Variants in BTBD2 observed in about 807,000 individuals in gnomAD.
The protein encoded by BTBD2 is BTB/POZ domain-containing protein 2.
In BTBD2, 15 loss-of-function variants were observed where a neutral mutation model predicts 44.0. That is an observed-to-expected ratio of 0.34 (90% CI 0.23 to 0.53). The LOEUF is 0.53. BTBD2 is among the 20% of genes least tolerant of loss of function. The pLI, the probability that BTBD2 is intolerant of heterozygous loss-of-function variation, is 0.95. For missense variants in BTBD2, 657 were observed against 746.4 expected (o/e 0.88, Z 1.39); for synonymous variants, 443 against 335.9 (o/e 1.32, Z -3.49).
chr19:1,990,801 G>A lies in BTBD2; in HGVS notation c.706C>T (p.Gln236Ter). Reference protein sequence around the residue: ...LTQARLFDEPQLASLCLENID... With the variant: ...LTQARLFDEP ...TTCTCCAGGCACAGGCTGGCCAGCT[G>A]CGGTTCATCGAAGAGTCGCGCCTGG... is the stretch of plus-strand genomic sequence containing the variant. Residue 236 changes from glutamine (Q) to a stop codon, truncating the protein, a stop_gained, in exon 4 of 9, where the codon CAG becomes TAG. Transcript: ENST00000255608. LOFTEE classifies it high-confidence loss of function. 1 of 1,582,732 alleles carries A rather than the reference G, an allele frequency of 6.3e-7. No homozygotes were observed. Among genetic ancestry groups the A allele is most frequent in the Non-Finnish European group, 8.6e-7 (1 of 1,166,410 alleles).
intron 1 of BTBD2, among the ~76,000 whole-genome samples, chr19:2,002,240 C>T (rs1480962334): frequency 6.6e-6 from 1 of 152,138 alleles, no homozygotes; most frequent in Non-Finnish European, 1.5e-5. Context: ...GCCACAATGC[C>T]CAGCTAACTG....
intron 1 of BTBD2, 114 bp from the exon 2 acceptor site, chr19:1,997,577 GC>G: frequency 1.3e-6 from 2 of 1,483,798 alleles, no homozygotes; most frequent in Non-Finnish European, 1.8e-6. Context: ...CCAGCCTCCA[GC>G]AGGCATGTAC....
Position 1,987,024 on chromosome 19 carries a change from G to A in BTBD2, c.1270-48C>T, listed in dbSNP as rs370739634. 148 of 1,598,458 alleles carry A rather than the reference G, an allele frequency of 9.3e-5. 1 individual carries two copies. Among genetic ancestry groups the A allele is most frequent in the South Asian group, 7.7e-4 (69 of 89,604 alleles). The stretch of plus-strand genomic sequence containing the variant: ...AGGCTCAGGCCTGGGGAGGGCCAAC[G>A]GGGACCCCTCGAGGCCCAGCCCACC... On this transcript the variant is annotated intron_variant, in intron 7 of 8. Transcript: ENST00000255608.
intron 6 of BTBD2, 85 bp from the exon 7 acceptor site, chr19:1,987,338 C>A (rs1372760277): frequency 1.4e-6 from 2 of 1,473,230 alleles, no homozygotes; most frequent in South Asian, 1.2e-5. Context: ...CATGCCCGGT[C>A]CCCTCCATCG....
At chr19:1,988,606 C>T (rs1218275012) in intron 5 of BTBD2, 2 of 151,096 alleles carry the variant, frequency 1.3e-5, no homozygotes, top group Non-Finnish European at 1.5e-5. Context: ...GCTCTTGTCC[C>T]CCAGGCTAGA....
At chr19:2,014,037 GAGC>G (rs1247170373) in intron 1 of BTBD2, 1 of 151,922 alleles carries the variant, frequency 6.6e-6, no homozygotes, top group Non-Finnish European at 1.5e-5. Flanking sequence ...TCTCAGGTGA[GAGC>G]GGAGAAGTCT....
intron 3 of BTBD2, 66 bp downstream of exon 3, chr19:1,992,935 CCGCCTCCAGCCTCGGTCCG>C: frequency 1.7e-5 from 12 of 708,138 alleles, no homozygotes; most frequent in South Asian, 3.0e-5. Context: ...GGCCCCGCCT[CCGCCTCCAGCCTCGGTCCG>C]CCCCACCCCG....
At chr19:1,996,164 C>G (rs749787931) in intron 2 of BTBD2, among the ~76,000 whole-genome samples, 1 of 152,196 alleles carries the variant, frequency 6.6e-6, no homozygotes, top group Non-Finnish European at 1.5e-5. Context: ...TTGGTCCCCA[C>G]GTTCTGTCCT....
rs371473216 is a variant in BTBD2, at chr19:1,986,232, C to G, written c.*256G>C. 1.9e-6 allele frequency: 1 copy of G among 536,752 alleles called. No individual in the cohort carries two copies. The highest frequency in any genetic ancestry group is 3.2e-5 in the Admixed American group (1 of 31,208). 33.2% of individuals were successfully genotyped at this position (536,752 alleles called of 1,614,324 possible). On this transcript the variant is annotated 3_prime_UTR_variant, in exon 9 of 9. Coordinates refer to ENST00000255608, the MANE Select transcript of BTBD2 (RefSeq NM_017797.4). The stretch of plus-strand genomic sequence containing the variant: ...TGGCCCAGGCCGGCACAGCCCTGTC[C>G]CTAGTCCTGAGGGATTGTCTCCACA...
chr19:2,015,401 GGGCTTGCT>G lies in BTBD2; in HGVS notation c.295_302del (p.Ser99HisfsTer46). ...GGAAGGCGAAGCGCTCCTGCACGGT[GGGCTTGCT>G]GGCCTGCCAGTTGTACGCGGCCTCG... is the stretch of plus-strand genomic sequence containing the variant. On this transcript the variant is annotated frameshift_variant, in exon 1 of 9. Transcript: ENST00000255608. LOFTEE classifies it high-confidence loss of function. 6.4e-7 allele frequency: 1 copy of G among 1,557,354 alleles called. No individual in the cohort carries two copies.
chr19:1,991,048 C>T, intron 3 of BTBD2: 2 of 500,476 alleles, frequency 4.0e-6, no homozygotes, highest in East Asian at 3.6e-5. Flanking sequence ...CCTCTCAGGA[C>T]CTCAGAGGCC....
chr19:1,986,164 A>G lies in BTBD2; in HGVS notation c.*324T>C, dbSNP rs1191353196. 5.6e-6 allele frequency: 2 copies of G among 354,792 alleles called. No homozygotes were observed. The highest frequency in any genetic ancestry group is 1.0e-5 in the Non-Finnish European group (2 of 191,652). The allele number at this position is 354,792 out of a possible 1,614,324, so 22.0% of individuals were successfully genotyped here. A position where few individuals can be genotyped will look rare whatever the true frequency, so the allele number is the denominator to read the frequency against. On this transcript the variant is annotated 3_prime_UTR_variant, in exon 9 of 9. Transcript: ENST00000255608. ...GGGACGCCCGCGGCGCACCGCCGGCAGACGACGTGGGCAGGCGCCCTGAGC... is the reference window on the plus strand; with the variant it reads ...GGGACGCCCGCGGCGCACCGCCGGCGGACGACGTGGGCAGGCGCCCTGAGC...
chr19:1,995,863 G>A (rs969041315), intron 2 of BTBD2, among the ~76,000 whole-genome samples: 6 of 151,826 alleles, frequency 4.0e-5, no homozygotes, highest in African/African-American at 1.5e-4. Context: ...CACCATGTTA[G>A]CCAGCATGGT....
chr19:1,993,479 A>C (rs536579233), intron 2 of BTBD2, among the ~76,000 whole-genome samples: 1 of 152,300 alleles, frequency 6.6e-6, no homozygotes, highest in African/African-American at 2.4e-5. Context: ...GGGATGCCCC[A>C]GGAGAGGGCA....
At position 1,986,315 on chromosome 19, in the gene BTBD2, G is replaced by A. The variant is rs373782672; in HGVS notation, c.*173C>T. 20 of 794,024 alleles carry A rather than the reference G, an allele frequency of 2.5e-5. No homozygotes were observed. The highest frequency in any genetic ancestry group is 3.7e-4 in the Middle Eastern group (1 of 2,674). The allele number at this position is 794,024 out of a possible 1,614,324, so 49.2% of individuals were successfully genotyped here. On this transcript the variant is annotated 3_prime_UTR_variant, in exon 9 of 9. Transcript: ENST00000255608. ...CTGCCCTGATCCAGCAGCCACACTCGTGGTGAACACAGGGCAACCCCGTCC... is the reference window on the plus strand; with the variant it reads ...CTGCCCTGATCCAGCAGCCACACTCATGGTGAACACAGGGCAACCCCGTCC...
In BTBD2 at chr19:1,990,694, C is replaced by T. The variant is rs1321232241; in HGVS notation, c.790+23G>A. The T allele has an allele frequency of 7.6e-6, 12 of 1,573,402 alleles. No homozygotes were observed. The South Asian group carries it at 1.0e-4, about 14-fold the overall frequency. On this transcript the variant is annotated intron_variant, in intron 4 of 8. Coordinates refer to ENST00000255608, the MANE Select transcript of BTBD2 (RefSeq NM_017797.4). ...CGCCGAGGCCCCGCTGGGATTCCCA[C>T]ACCTGGGCTCCTGGGCCCTTACCCA...
chr19:1,992,320 A>G (rs905060870), intron 3 of BTBD2, among the ~76,000 whole-genome samples: 6 of 151,520 alleles, frequency 4.0e-5, no homozygotes, highest in African/African-American at 1.5e-4. Context: ...GGCTGGTCTC[A>G]AACTCCTGAC....
Position 1,987,683 on chromosome 19 carries a change from T to C in BTBD2, c.998A>G (p.Gln333Arg). The C allele has an allele frequency of 1.2e-6, 2 of 1,600,518 alleles. No homozygotes were observed. Among genetic ancestry groups the C allele is most frequent in the South Asian group, 1.1e-5 (1 of 89,156 alleles). ...TIEEFAAGPA[Q>R]SGILVDREVV... is the part of the protein sequence containing the mutation. ...CTCGCGGTCCACCAGGATGCCCGAC[T>C]GTGCGGGACCTGCAGCACAGGGAGG... is the stretch of plus-strand genomic sequence containing the variant. The change falls in exon 6 of 9, where the codon CAG (glutamine) becomes CGG (arginine). Residue 333 changes from glutamine to arginine, a missense_variant. By Grantham distance (43) the Gln-to-Arg change is conservative. Coordinates refer to ENST00000255608, the MANE Select transcript of BTBD2 (RefSeq NM_017797.4).
chr19:1,987,049 C>G, intron 7 of BTBD2, 73 bp from the exon 8 acceptor site: 1 of 1,593,214 alleles, frequency 6.3e-7, no homozygotes, highest in Non-Finnish European at 8.6e-7. Flanking sequence ...CCCAGCCCAC[C>G]TGCCCAGGGT....
Sources: gnomAD v4.1 joint callset for allele counts (sites outside exome capture counted in the v4.1 genomes callset) on GRCh38, gnomAD v4.1.1 for gene constraint, MANE v1.5 for transcripts, NCBI Gene and HGNC (gene_info 2026-07-23, HGNC 2026-07-21) for gene names.